The following PFKFB2 variants were observed in gnomAD, a reference collection of about 807,000 sequenced individuals.
The protein encoded by PFKFB2 is 6-phosphofructo-2-kinase/fructose-2,6-biphosphatase 2.
Under a neutral mutation model 68.0 loss-of-function variants are expected in PFKFB2, and 53 were observed. The ratio of observed to expected loss-of-function variants is 0.78; its 90% CI spans 0.63 to 0.98. The LOEUF is 0.98. Among genes scored for constraint, PFKFB2 ranks in the 50% least tolerant of loss-of-function variants. The pLI is 0.00. For synonymous variants in PFKFB2, 222 were observed against 227.6 expected, an observed-to-expected ratio of 0.98 and a Z score of 0.22; for missense variants, 451 against 642.0, an observed-to-expected ratio of 0.70 and a Z score of 3.22.
rs549562092 is a variant in PFKFB2 at position 207,077,118 on chromosome 1, T to A, written c.*4747T>A. On this transcript the variant is annotated 3_prime_UTR_variant, in exon 15 of 15. Coordinates refer to ENST00000367080, the MANE Select transcript of PFKFB2 (RefSeq NM_006212.2). ...GGAATGCCTGTTCAGAGCCTGGAGT[T>A]GTTACCTTTACTTGAAGTCATCTCA... 80 of 984,860 alleles carry A rather than the reference T, an allele frequency of 8.1e-5. No homozygotes were observed. The highest frequency in any genetic ancestry group is 9.5e-5 in the Non-Finnish European group (79 of 829,510). The allele number at this position is 984,860 out of a possible 1,614,324, so 61.0% of individuals were successfully genotyped here. A position where few individuals can be genotyped will look rare whatever the true frequency, so the allele number is the denominator to read the frequency against.
chr1:207,050,959 T>C (rs769845525), upstream of PFKFB2: 12 of 1,559,300 alleles, frequency 7.7e-6, no homozygotes, highest in Admixed American at 9.5e-5. Context: ...CGGCAGCCTG[T>C]TGGGAGACGC....
At chr1:207,053,599 G>T (rs898221725) in intron 1 of PFKFB2, among the ~76,000 whole-genome samples, 1 of 152,260 alleles carries the variant, frequency 6.6e-6, no homozygotes. Flanking sequence ...CCAGCCCCCT[G>T]TTGTCTGAAT....
intron 2 of PFKFB2, among the ~76,000 whole-genome samples, chr1:207,061,472 G>A (rs1683115094): frequency 6.6e-6 from 1 of 151,964 alleles, no homozygotes; most frequent in Non-Finnish European, 1.5e-5. Flanking sequence ...CTCTATTTCA[G>A]GAGGCCTGCC....
At position 207,075,296 on chromosome 1, in the gene PFKFB2, T is replaced by C. The variant is rs1683590631; in HGVS notation, c.*2925T>C. On this transcript the variant is annotated 3_prime_UTR_variant, in exon 15 of 15. Coordinates refer to ENST00000367080, the MANE Select transcript of PFKFB2 (RefSeq NM_006212.2). ...CAGAAGAGGAGCTGAGGTGGTCTTA[T>C]CCTCAGATAGGACATGAGAAATTGG... The C allele has an allele frequency of 1.0e-6, 1 of 985,276 alleles. No homozygotes were observed. The highest frequency in any genetic ancestry group is 1.2e-6 in the Non-Finnish European group (1 of 829,906). 61.0% of individuals were successfully genotyped at this position (985,276 alleles called of 1,614,324 possible). A position where few individuals can be genotyped will look rare whatever the true frequency, so the allele number is the denominator to read the frequency against.
At chr1:207,061,802 A>C in intron 2 of PFKFB2, 151 bp from the exon 3 acceptor site, 1 of 651,790 alleles carries the variant, frequency 1.5e-6, no homozygotes, top group Non-Finnish European at 2.7e-6. Context: ...GAATCACTTG[A>C]ACCTGGGAGG....
intron 2 of PFKFB2, among the ~76,000 whole-genome samples, chr1:207,059,014 G>C (rs1248871974): frequency 6.6e-6 from 1 of 152,220 alleles, no homozygotes. Context: ...TCCTACTTTT[G>C]CCAGTGTGGT....
Position 207,073,374 on chromosome 1 carries a change from T to C in PFKFB2, c.*1003T>C. The C allele has an allele frequency of 7.1e-6, 7 of 985,444 alleles. No homozygotes were observed. The highest frequency in any genetic ancestry group is 8.4e-6 in the Non-Finnish European group (7 of 829,952). 61.0% of individuals were successfully genotyped at this position (985,444 alleles called of 1,614,324 possible). On this transcript the variant is annotated 3_prime_UTR_variant, in exon 15 of 15. Transcript: ENST00000367080. ...GCAACTTTTCCTGCCAAAGCCAGTATCCTCTGGGGCTGTTTAGAAGGGCAG... is the reference window on the plus strand; with the variant it reads ...GCAACTTTTCCTGCCAAAGCCAGTACCCTCTGGGGCTGTTTAGAAGGGCAG...
upstream of PFKFB2, among the ~76,000 whole-genome samples, chr1:207,051,721 A>G (rs1682756322): frequency 6.6e-6 from 1 of 152,226 alleles, no homozygotes; most frequent in Non-Finnish European, 1.5e-5. Flanking sequence ...TGTAACAAGT[A>G]TTCATTGCAG....
At position 207,063,750 on chromosome 1, in the gene PFKFB2, C is replaced by T. The variant is rs745977626; in HGVS notation, c.451-23C>T. On this transcript the variant is annotated intron_variant, in intron 6 of 14. Coordinates refer to ENST00000367080, the MANE Select transcript of PFKFB2 (RefSeq NM_006212.2). The surrounding 1 kb of genome is among the most constrained non-coding windows in gnomAD (Gnocchi z 4.1). ...AGCCTGGCATTTTTGACTTGCTTAT[C>T]ACTGCCTTCTCTCCATGGCCAGGTA... The T allele has an allele frequency of 6.2e-7, 1 of 1,608,232 alleles. No homozygotes were observed. The highest frequency in any genetic ancestry group is 8.5e-7 in the Non-Finnish European group (1 of 1,174,620).
At chr1:207,067,784 CT>C in intron 9 of PFKFB2, 78 bp downstream of exon 9, 1 of 1,203,410 alleles carries the variant, frequency 8.3e-7, no homozygotes, top group Non-Finnish European at 1.2e-6. Context: ...ATTTTATCTC[CT>C]TACTTAAATC....
upstream of PFKFB2, chr1:207,051,175 A>C (rs1412833262): frequency 7.2e-7 from 1 of 1,394,154 alleles, no homozygotes; most frequent in Admixed American, 3.1e-5. Flanking sequence ...CGTATTCCTA[A>C]AGGACAACGG....
upstream of PFKFB2, chr1:207,049,747 G>C: frequency 6.3e-7 from 1 of 1,579,110 alleles, no homozygotes; most frequent in Admixed American, 1.8e-5. Flanking sequence ...AACAAATCCC[G>C]ATCTGCAAAG....
intron 10 of PFKFB2, among the ~76,000 whole-genome samples, chr1:207,068,779 G>A (rs1341140774): frequency 1.3e-5 from 2 of 149,038 alleles, no homozygotes; most frequent in Admixed American, 6.7e-5. Context: ...ACGGAGTCTC[G>A]CTCTGTGGCC....
At chr1:207,037,562 T>C (rs1201802542) in intron 1 of PFKFB2, among the ~76,000 whole-genome samples, 1 of 152,240 alleles carries the variant, frequency 6.6e-6, no homozygotes, top group Non-Finnish European at 1.5e-5. Flanking sequence ...TGATCTCTGC[T>C]TTCACATGAT....
chr1:207,048,795 C>T (rs969081658), upstream of PFKFB2: 1 of 498,536 alleles, frequency 2.0e-6, no homozygotes, highest in Admixed American at 3.7e-5. Context: ...GTCACTCCAG[C>T]AGAAAGAGGC....
At chr1:207,045,871 T>C (rs1385799350) in intron 2 of PFKFB2, 1 of 152,050 alleles carries the variant, frequency 6.6e-6, no homozygotes, top group African/African-American at 2.4e-5. Context: ...ACATTAGTTG[T>C]TAAAAACAGG....
Position 207,061,941 on chromosome 1 carries a change from A to G in PFKFB2, c.86-12A>G. 6.2e-7 allele frequency: 1 copy of G among 1,612,844 alleles called. No homozygotes were observed. The highest frequency in any genetic ancestry group is 8.5e-7 in the Non-Finnish European group (1 of 1,178,894). ...TAGTCATTTCGTTTTATTTTGTTTC[A>G]TTTCCTTCTAGCATGGGCCTCCTAC... On this transcript the variant is annotated splice_polypyrimidine_tract_variant and intron_variant, in intron 2 of 14. Coordinates refer to ENST00000367080, the MANE Select transcript of PFKFB2 (RefSeq NM_006212.2).
At chr1:207,078,011 T>G (rs1435568059), downstream of PFKFB2, among the ~76,000 whole-genome samples, 1 of 152,186 alleles carries the variant, frequency 6.6e-6, no homozygotes, top group Non-Finnish European at 1.5e-5. Context: ...GGAAGAACAT[T>G]ATGGAAAGCA....
chr1:207,050,608 C>A, upstream of PFKFB2: 1 of 1,585,134 alleles, frequency 6.3e-7, no homozygotes, highest in Non-Finnish European at 8.6e-7. Context: ...AGCCACCTTG[C>A]CTTGACTGGT....
Sources: gnomAD v4.1 joint callset for allele counts (sites outside exome capture counted in the v4.1 genomes callset) on GRCh38, gnomAD v4.1.1 for gene constraint, Gnocchi (gnomAD v3.1) non-coding constraint, MANE v1.5 for transcripts, NCBI Gene and HGNC (gene_info 2026-07-23, HGNC 2026-07-21) for gene names.